EFHB: variants seen among roughly 807,000 people sequenced by gnomAD.
The protein encoded by EFHB is EF-hand domain family member B.
EFHB carries 91 observed loss-of-function variants against 87.2 expected under a neutral mutation model. The ratio of observed to expected loss-of-function variants is 1.04; its 90% CI spans 0.88 to 1.24. The LOEUF is 1.24. EFHB is among the 50% of genes most tolerant of loss of function. The pLI is 0.00. For synonymous variants in EFHB, 325 were observed against 333.6 expected (o/e 0.97, Z 0.28); for missense variants, 1,084 against 998.8 (o/e 1.09, Z -1.15).
chr3:19,918,874 GGA>G (rs1256426078), intron 3 of EFHB, among the ~76,000 whole-genome samples: 1 of 150,756 alleles, frequency 6.6e-6, no homozygotes, highest in Non-Finnish European at 1.5e-5. Context: ...CAGCTACTCA[GGA>G]GTCTGAGGCA....
At chr3:19,902,185 T>A (rs970936599) in intron 6 of EFHB, among the ~76,000 whole-genome samples, 3 of 152,178 alleles carry the variant, frequency 2.0e-5, no homozygotes, top group Non-Finnish European at 4.4e-5. Flanking sequence ...TAAAGCTCTT[T>A]GTGTGCCAGT....
chr3:19,939,370 CTTTTTTTTTTT>C (rs147510880), intron 1 of EFHB, among the ~76,000 whole-genome samples: 958 of 64,614 alleles, frequency 0.015, 14 homozygotes, highest in African/African-American at 0.056. Flanking sequence ...GTTGGGTCTC[CTTTTTTTTTTT>C]TTTTTTTTTT....
Position 19,934,132 on chromosome 3 carries a change from G to A in EFHB, c.-114C>T. 1 of 1,459,994 alleles carries A rather than the reference G, an allele frequency of 6.8e-7. No individual in the cohort carries two copies. The allele number at this position is 1,459,994 out of a possible 1,614,324, so 90.4% of individuals were successfully genotyped here. A position where few individuals can be genotyped will look rare whatever the true frequency, so the allele number is the denominator to read the frequency against. The stretch of plus-strand genomic sequence containing the variant: ...TGCGGAACCCCTCTCTCAGGAAAGA[G>A]CACAACCTCACTCGGACTCCCTGTC... On this transcript the variant is annotated 5_prime_UTR_variant, in exon 1 of 13. Transcript: ENST00000295824.
upstream of EFHB, among the ~76,000 whole-genome samples, chr3:19,937,227 C>T (rs1696045704): frequency 6.6e-6 from 1 of 151,970 alleles, no homozygotes; most frequent in South Asian, 2.1e-4. Flanking sequence ...AAATATTCTT[C>T]TCCTTAGTTC....
chr3:19,880,958 A>C (rs1475709741), intron 12 of EFHB, among the ~76,000 whole-genome samples: 1 of 152,222 alleles, frequency 6.6e-6, no homozygotes, highest in Non-Finnish European at 1.5e-5. Flanking sequence ...GCGAATAGCC[A>C]AAGAAATAAA....
intron 9 of EFHB, 30 bp downstream of exon 9, chr3:19,896,657 A>G (rs1282840763): frequency 1.2e-6 from 2 of 1,613,906 alleles, no homozygotes; most frequent in African/African-American, 1.3e-5. Context: ...AAGCCCATGC[A>G]TTACCAAAAA....
At chr3:19,905,544 TA>T (rs1559457314) in intron 6 of EFHB, 75 bp downstream of exon 6, 3 of 1,475,178 alleles carry the variant, frequency 2.0e-6, no homozygotes, top group Non-Finnish European at 1.8e-6. Flanking sequence ...CTTCAAAAAA[TA>T]AAGTTTAAAA....
chr3:19,914,890 G>A (rs188971959), intron 5 of EFHB, among the ~76,000 whole-genome samples: 6 of 152,158 alleles, frequency 3.9e-5, no homozygotes, highest in Admixed American at 6.5e-5. Context: ...AGGAGTTTCA[G>A]AACAGCGTGG....
In EFHB at chr3:19,920,505, C is replaced by G; in HGVS notation, c.852G>C (p.Arg284Ser). ...VATCLTEKLP[R>S]LITPPEAKKY... ...ATAAAGGTATATTGAAAGTGCTCAC[C>G]CTGGGAAGTTTTTCAGTCAAGCAGG... The change falls in exon 2 of 13, where the codon AGG (arginine) becomes AGC (serine). Residue 284 changes from arginine (R) to serine (S), a missense_variant and splice_region_variant. Arg to Ser is a moderately radical substitution (Grantham distance 110, BLOSUM62 -1). Transcript: ENST00000295824. 1.9e-6 allele frequency: 3 copies of G among 1,600,188 alleles called. No homozygotes were observed. The highest frequency in any genetic ancestry group is 2.6e-6 in the Non-Finnish European group (3 of 1,174,936).
rs532733257 is a variant in EFHB, at chr3:19,887,382, C to CA, written c.1933+1061dup. 3.3e-3 allele frequency among the ~76,000 whole-genome samples: 315 copies of CA among 95,358 alleles called. 1 individual carries two copies. Among genetic ancestry groups the CA allele is most frequent in the East Asian group, 0.018 (37 of 2,094 alleles). 62.6% of individuals were successfully genotyped at this position (95,358 alleles called of 152,430 possible). ...CCTGGGCAACAGAGCAAGACCCTAT[C>CA]AAAAAAAAAAAAAAAAAAAGGAAGA... On this transcript the variant is annotated intron_variant, in intron 10 of 12. Coordinates refer to ENST00000295824, the MANE Select transcript of EFHB (RefSeq NM_144715.4).
chr3:19,929,708 C>CAAAAAAAA (rs34016968), intron 1 of EFHB, among the ~76,000 whole-genome samples: 6 of 79,768 alleles, frequency 7.5e-5, no homozygotes, highest in East Asian at 4.4e-4. Context: ...GACTCCATCT[C>CAAAAAAAA]AAAAAAAAAA....
chr3:19,885,074 TAGTC>T (rs71970448), intron 10 of EFHB, among the ~76,000 whole-genome samples: 4,988 of 151,746 alleles, frequency 0.033, 265 homozygotes, highest in African/African-American at 0.11. Flanking sequence ...ATATAAAAGT[TAGTC>T]AGGCATGGTG....
intron 1 of EFHB, among the ~76,000 whole-genome samples, chr3:19,922,552 C>CT (rs1383189754): frequency 1.3e-5 from 2 of 152,184 alleles, no homozygotes; most frequent in African/African-American, 4.8e-5. Context: ...TGCATTTCCT[C>CT]TAGCTTCCTC....
intron 1 of EFHB, chr3:19,941,051 C>T: frequency 2.9e-6 from 1 of 346,878 alleles, no homozygotes. Context: ...AGAATGGCTG[C>T]TTGGACAGCT....
intron 9 of EFHB, among the ~76,000 whole-genome samples, chr3:19,892,868 A>AAATAAAATAAAATAT (rs1694347739): frequency 8.5e-6 from 1 of 117,382 alleles, no homozygotes; most frequent in Non-Finnish European, 1.8e-5. Context: ...AAATAAAATA[A>AAATAAAATAAAATAT]AATAAAATAA....
chr3:19,945,988 A>G (rs1696268611), intron 1 of EFHB: 3 of 152,206 alleles, frequency 2.0e-5, no homozygotes, highest in Admixed American at 2.0e-4. Context: ...TAAATTATCA[A>G]AACAATTTTT....
rs111751840 is a variant in EFHB at position 19,888,683 on chromosome 3, G to C, written c.1726-32C>G. 6.4e-6 allele frequency: 10 copies of C among 1,557,130 alleles called. No individual in the cohort carries two copies. In the African/African-American group the frequency reaches 9.5e-5, roughly 15 times the overall value. ...TACAGGAAGCAAAAGAACATAAAAT[G>C]GGAGTTGTCTTCAAGAGCAGAGTAG... On this transcript the variant is annotated intron_variant, in intron 9 of 12. Transcript: ENST00000295824.
intron 6 of EFHB, among the ~76,000 whole-genome samples, chr3:19,904,614 C>T (rs1304215390): frequency 6.6e-6 from 1 of 152,220 alleles, no homozygotes; most frequent in Admixed American, 6.5e-5. Context: ...TTCCCTTCTG[C>T]ATGTCTTTTC....
At chr3:19,938,484 T>C (rs763815557), upstream of EFHB, among the ~76,000 whole-genome samples, 2 of 152,216 alleles carry the variant, frequency 1.3e-5, no homozygotes, top group Non-Finnish European at 2.9e-5. Flanking sequence ...AAGCCAAGTG[T>C]AGTAAAATGC....
Sources: gnomAD v4.1 joint callset for allele counts (sites outside exome capture counted in the v4.1 genomes callset) on GRCh38, gnomAD v4.1.1 for gene constraint, MANE v1.5 for transcripts, NCBI Gene and HGNC (gene_info 2026-07-23, HGNC 2026-07-21) for gene names.